The following ENOX1 variants were observed in gnomAD, a reference collection of about 807,000 sequenced individuals.
ENOX1 encodes ecto-NOX disulfide-thiol exchanger 1, also known as candidate growth-related and time keeping constitutive hydroquinone (NADH) oxidase.
Under a neutral mutation model 82.5 loss-of-function variants are expected in ENOX1, and 42 were observed. The observed-to-expected ratio is 0.51, with a 90% CI of 0.40 to 0.66. The LOEUF (loss-of-function observed/expected upper bound fraction) is 0.66, where lower values mean the gene tolerates loss of function less well. Ranked by LOEUF, ENOX1 falls within the 30% of genes least tolerant of loss-of-function variation. The probability of loss-of-function intolerance (pLI) is 0.00; values close to 1 mark genes in which losing one functional copy is unlikely to be tolerated. For missense variants in ENOX1, 608 were observed against 811.6 expected (o/e 0.75, Z 3.05); for synonymous variants, 271 against 282.2 (o/e 0.96, Z 0.40).
Position 43,618,977 on chromosome 13 carries a change from A to ATTT in ENOX1, c.-219+48499_-219+48501dup, listed in dbSNP as rs56048836. Among the ~76,000 whole-genome samples the ATTT allele has an allele frequency of 2.2e-3, 258 of 116,940 alleles. 5 individuals carry two copies. The East Asian group carries it at 0.037, about 17-fold the overall frequency. The allele number at this position is 116,940 out of a possible 152,430, so 76.7% of individuals were successfully genotyped here. On this transcript the variant is annotated intron_variant, in intron 2 of 16. Transcript: ENST00000690772. ...ACTCCTTGGTTAGGTATAGTCCTAA[A>ATTT]TTTTTTTTTTTTTTTTTTTTGCAGC...
rs547729201 is a variant in ENOX1, at chr13:43,330,722, T to G, written c.1037-4197A>C. Among the ~76,000 whole-genome samples the G allele has an allele frequency of 6.2e-4, 94 of 152,290 alleles. 1 individual carries two copies. The highest frequency in any genetic ancestry group is 2.9e-3 in the South Asian group (14 of 4,830). On this transcript the variant is annotated intron_variant, in intron 9 of 16. Coordinates refer to ENST00000690772, the MANE Select transcript of ENOX1 (RefSeq NM_001347969.2). ...GTATACCCAGCAGCTGTAAATGACC[T>G]TAAGGGCAGGATAAACAGAGCCTTG...
chr13:43,460,557 T>C (rs2057422228), intron 3 of ENOX1, among the ~76,000 whole-genome samples: 1 of 151,956 alleles, frequency 6.6e-6, no homozygotes, highest in Non-Finnish European at 1.5e-5. Context: ...TCCTAGCACT[T>C]TGGGAGGCTG....
intron 1 of ENOX1, among the ~76,000 whole-genome samples, chr13:43,707,313 G>T (rs1198569662): frequency 6.6e-6 from 1 of 152,108 alleles, no homozygotes; most frequent in Non-Finnish European, 1.5e-5. Context: ...ACATTAAACC[G>T]TGACCTGCCC....
intron 2 of ENOX1, among the ~76,000 whole-genome samples, chr13:43,551,789 C>T (rs558916396): frequency 5.3e-4 from 81 of 152,270 alleles, no homozygotes; most frequent in Non-Finnish European, 9.1e-4. Context: ...AGAGGATGGG[C>T]CCAGCACAAT....
chr13:43,498,604 G>T (rs1047288750), intron 2 of ENOX1, among the ~76,000 whole-genome samples: 2 of 151,812 alleles, frequency 1.3e-5, no homozygotes, highest in East Asian at 3.9e-4. Flanking sequence ...GGTGAGAAAA[G>T]TATCTTTCTT....
At chr13:43,559,332 A>AT (rs2079571236) in intron 2 of ENOX1, among the ~76,000 whole-genome samples, 2 of 152,208 alleles carry the variant, frequency 1.3e-5, no homozygotes, top group African/African-American at 4.8e-5. Flanking sequence ...GTGCTAAGCC[A>AT]TCTTCTTTAG....
intron 1 of ENOX1, among the ~76,000 whole-genome samples, chr13:43,673,525 C>T (rs1269058883): frequency 6.6e-6 from 1 of 152,218 alleles, no homozygotes; most frequent in Non-Finnish European, 1.5e-5. Context: ...TTAATGAGAA[C>T]ATTAACTCAG....
rs2050475820 is a variant in ENOX1, at chr13:43,361,153, G to A, written c.382+126C>T. The A allele has an allele frequency of 1.0e-5, 10 of 969,718 alleles. No homozygotes were observed. The South Asian group carries it at 1.6e-4, about 16-fold the overall frequency. The allele number at this position is 969,718 out of a possible 1,614,324, so 60.1% of individuals were successfully genotyped here. A position where few individuals can be genotyped will look rare whatever the true frequency, so the allele number is the denominator to read the frequency against. On this transcript the variant is annotated intron_variant, in intron 6 of 16. Transcript: ENST00000690772. The stretch of plus-strand genomic sequence containing the variant: ...GTAACCTAGAGACAAAAGGCCTTCT[G>A]TAGAACGGATCCCCACTCTGTGCAT...
chr13:43,500,109 C>T (rs754636750), intron 2 of ENOX1, among the ~76,000 whole-genome samples: 1 of 152,058 alleles, frequency 6.6e-6, no homozygotes, highest in Non-Finnish European at 1.5e-5. Context: ...TATGGACTAG[C>T]AAGCAACATC....
chr13:43,632,370 CT>C (rs1206738265), intron 2 of ENOX1, among the ~76,000 whole-genome samples: 2 of 149,978 alleles, frequency 1.3e-5, no homozygotes, highest in Non-Finnish European at 3.0e-5. Context: ...ATTATATTTT[CT>C]TTTTTTAATG....
chr13:43,520,520 G>C (rs2077723201), intron 2 of ENOX1, among the ~76,000 whole-genome samples: 1 of 152,134 alleles, frequency 6.6e-6, no homozygotes, highest in African/African-American at 2.4e-5. Context: ...GGCTAGCTGG[G>C]TGGGGCCCAA....
At chr13:43,422,321 A>C (rs1210364007) in intron 3 of ENOX1, among the ~76,000 whole-genome samples, 1 of 152,178 alleles carries the variant, frequency 6.6e-6, no homozygotes, top group Non-Finnish European at 1.5e-5. Context: ...CTGCATCTCC[A>C]GACCCATTAA....
At chr13:43,594,022 C>A (rs933373937) in intron 2 of ENOX1, among the ~76,000 whole-genome samples, 18 of 152,238 alleles carry the variant, frequency 1.2e-4, no homozygotes, top group African/African-American at 4.3e-4. Flanking sequence ...CAACGCCAGG[C>A]CCCATTGTGC....
chr13:43,646,879 C>T (rs1020349514), intron 2 of ENOX1, among the ~76,000 whole-genome samples: 3 of 152,214 alleles, frequency 2.0e-5, no homozygotes, highest in Non-Finnish European at 4.4e-5. Context: ...ATCCTTCTCC[C>T]ACACTAGAGA....
At chr13:43,754,055 T>TACATATATACGTATATAAATACAC (rs1158076508) in intron 1 of ENOX1, among the ~76,000 whole-genome samples, 4 of 146,766 alleles carry the variant, frequency 2.7e-5, no homozygotes, top group Non-Finnish European at 1.5e-5. Context: ...TACACATATA[T>TACATATATACGTATATAAATACAC]ATACATATAT....
chr13:43,481,714 T>C (rs964385552), intron 3 of ENOX1, among the ~76,000 whole-genome samples: 4 of 151,772 alleles, frequency 2.6e-5, no homozygotes, highest in South Asian at 4.2e-4. Context: ...ATCAATAGAG[T>C]GAAAAGGCAA....
intron 12 of ENOX1, among the ~76,000 whole-genome samples, chr13:43,274,735 T>C (rs1037519705): frequency 1.3e-5 from 2 of 152,256 alleles, no homozygotes; most frequent in Non-Finnish European, 2.9e-5. Context: ...CAATTATCCA[T>C]ATGCCAATCA....
intron 1 of ENOX1, among the ~76,000 whole-genome samples, chr13:43,706,408 A>C (rs1234923252): frequency 6.6e-6 from 1 of 152,048 alleles, no homozygotes; most frequent in Non-Finnish European, 1.5e-5. Context: ...CACAATTTAC[A>C]ATTATCACCC....
chr13:43,726,484 TG>T (rs2088965813), intron 1 of ENOX1, among the ~76,000 whole-genome samples: 1 of 152,138 alleles, frequency 6.6e-6, no homozygotes, highest in Non-Finnish European at 1.5e-5. Flanking sequence ...CCCAAAGTGC[TG>T]GGATTATAGG....
Sources: allele counts gnomAD v4.1 joint callset (sites outside exome capture counted in the v4.1 genomes callset), GRCh38; gene constraint gnomAD v4.1.1; transcripts MANE v1.5; gene names NCBI Gene and HGNC (gene_info 2026-07-23, HGNC 2026-07-21).